The following RIPOR3 variants were observed in gnomAD, a reference collection of about 807,000 sequenced individuals.
The protein encoded by RIPOR3 is RIPOR family member 3.
RIPOR3 carries 95 observed loss-of-function variants against 114.3 expected under a neutral mutation model. The ratio of observed to expected loss-of-function variants is 0.83; its 90% CI spans 0.70 to 0.99. RIPOR3 has a LOEUF of 0.99. Among genes scored for constraint, RIPOR3 ranks in the 50% least tolerant of loss-of-function variants. The pLI, the probability that RIPOR3 is intolerant of heterozygous loss-of-function variation, is 0.00. For missense variants in RIPOR3, 1,252 were observed against 1,266.9 expected (o/e 0.99, Z 0.18); for synonymous variants, 575 against 543.8 (o/e 1.06, Z -0.80).
At chr20:50,590,246 T>TGGCCAC (rs1214947527) in intron 19 of RIPOR3, among the ~76,000 whole-genome samples, 6 of 152,218 alleles carry the variant, frequency 3.9e-5, no homozygotes, top group Non-Finnish European at 2.9e-5. Context: ...CTCACGACCA[T>TGGCCAC]GGCCACATCA....
At chr20:50,592,694 TCA>T in intron 18 of RIPOR3, 148 bp from the exon 19 acceptor site, 1 of 726,384 alleles carries the variant, frequency 1.4e-6, no homozygotes, top group Non-Finnish European at 2.1e-6. Flanking sequence ...TGGACTAATT[TCA>T]CAGGGAGCTC....
At chr20:50,621,371 C>T (rs1017992794) in intron 2 of RIPOR3, among the ~76,000 whole-genome samples, 1 of 152,200 alleles carries the variant, frequency 6.6e-6, no homozygotes, top group Non-Finnish European at 1.5e-5. Context: ...GGCACCTCCC[C>T]AGCTCTGCTT....
At chr20:50,635,114 G>C (rs1459558531) in intron 1 of RIPOR3, among the ~76,000 whole-genome samples, 2 of 152,178 alleles carry the variant, frequency 1.3e-5, no homozygotes, top group African/African-American at 4.8e-5. Context: ...CAACTACTCA[G>C]TTCTAGCATT....
At chr20:50,616,796 C>T (rs1009206948) in intron 3 of RIPOR3, among the ~76,000 whole-genome samples, 2 of 152,218 alleles carry the variant, frequency 1.3e-5, no homozygotes, top group African/African-American at 4.8e-5. Context: ...TATACCCCCT[C>T]CCAAGCTGGG....
intron 1 of RIPOR3, among the ~76,000 whole-genome samples, chr20:50,661,634 G>T (rs759747198): frequency 6.6e-6 from 1 of 152,134 alleles, no homozygotes; most frequent in Non-Finnish European, 1.5e-5. Flanking sequence ...GCAGGAACAC[G>T]CTGTCCCCAC....
chr20:50,655,805 G>T (rs988381086), intron 1 of RIPOR3, among the ~76,000 whole-genome samples: 1 of 151,958 alleles, frequency 6.6e-6, no homozygotes, highest in Non-Finnish European at 1.5e-5. Flanking sequence ...AACTGAGTTC[G>T]TGGCATGAGG....
intron 8 of RIPOR3, 45 bp downstream of exon 8, chr20:50,609,248 G>A: frequency 6.2e-7 from 1 of 1,601,062 alleles, no homozygotes; most frequent in East Asian, 2.2e-5. Flanking sequence ...AGAAGTCTCA[G>A]GGCCTCCAGA....
intron 1 of RIPOR3, among the ~76,000 whole-genome samples, chr20:50,633,860 C>G (rs1176328474): frequency 6.6e-6 from 1 of 152,148 alleles, no homozygotes; most frequent in Non-Finnish European, 1.5e-5. Context: ...TCACTCATAG[C>G]ACTGTGAGGT....
At chr20:50,617,091 G>C (rs963018538) in intron 3 of RIPOR3, among the ~76,000 whole-genome samples, 1 of 152,096 alleles carries the variant, frequency 6.6e-6, no homozygotes, top group Admixed American at 6.6e-5. Context: ...GCAGTGAGCC[G>C]AGATTGCACC....
intron 1 of RIPOR3, among the ~76,000 whole-genome samples, chr20:50,663,920 T>G (rs972971020): frequency 7.8e-6 from 1 of 127,950 alleles, no homozygotes; most frequent in Non-Finnish European, 1.6e-5. Flanking sequence ...TTTCTCTCTC[T>G]CTCTCTTTTT....
intron 1 of RIPOR3, among the ~76,000 whole-genome samples, chr20:50,650,475 TG>T (rs959364817): frequency 2.0e-5 from 3 of 152,118 alleles, no homozygotes; most frequent in African/African-American, 7.2e-5. Flanking sequence ...GCTAACTTTT[TG>T]TACTTTTAGT....
Position 50,594,656 on chromosome 20 carries a change from C to T in RIPOR3, c.2109G>A (p.Gly703=). The change falls in exon 17 of 22, where the codon GGG becomes GGA. Residue 703 remains glycine, a synonymous_variant. Transcript: ENST00000327979. The part of the protein sequence containing the change: ...GCLKLWRGCT[G]PGRVLSCPAT... ...CAGGGCAGGACAGGACCCTGCCAGG[C>T]CCTGTGCACCCTCTCCACAGCTTCA... 1 of 1,613,730 alleles carries T rather than the reference C, an allele frequency of 6.2e-7. No individual in the cohort carries two copies. Among genetic ancestry groups the T allele is most frequent in the Non-Finnish European group, 8.5e-7 (1 of 1,179,912 alleles).
rs532534470 is a variant in RIPOR3, at chr20:50,600,665, G to T, written c.1659+1407C>A. 7.2e-5 allele frequency among the ~76,000 whole-genome samples: 11 copies of T among 152,248 alleles called. No individual in the cohort carries two copies. The East Asian group carries it at 2.1e-3, about 29-fold the overall frequency. ...GCCTCAACTAGTCAGGAGGCTGAGG[G>T]GGGAGGATCGTGTGATCCCAGGAGG... On this transcript the variant is annotated intron_variant, in intron 13 of 21. Coordinates refer to ENST00000327979, the MANE Select transcript of RIPOR3 (RefSeq NM_001290268.2).
intron 3 of RIPOR3, among the ~76,000 whole-genome samples, chr20:50,616,416 C>T (rs1197368199): frequency 6.6e-6 from 1 of 152,214 alleles, no homozygotes; most frequent in East Asian, 1.9e-4. Flanking sequence ...GATCACAGCT[C>T]ACTGCAACCT....
rs778793897 is a variant in RIPOR3 at position 50,630,737 on chromosome 20, C to A, written c.122+1G>T. Reference sequence around the variant, plus strand: ...CGAAACAGGACACGGGGGGAACTTACGCGATCCTCCGGCTCTGTGCACTGC... The same window carrying A: ...CGAAACAGGACACGGGGGGAACTTAAGCGATCCTCCGGCTCTGTGCACTGC... On this transcript the variant is annotated splice_donor_variant, in intron 2 of 21. Coordinates refer to ENST00000327979, the MANE Select transcript of RIPOR3 (RefSeq NM_001290268.2). LOFTEE classifies it high-confidence loss of function. 1.2e-6 allele frequency: 2 copies of A among 1,603,950 alleles called. No homozygotes were observed. Among genetic ancestry groups the A allele is most frequent in the South Asian group, 1.1e-5 (1 of 89,630 alleles).
chr20:50,586,138 T>C lies in RIPOR3; in HGVS notation c.*1094A>G, dbSNP rs1199233542. On this transcript the variant is annotated 3_prime_UTR_variant, in exon 22 of 22. Transcript: ENST00000327979. The stretch of plus-strand genomic sequence containing the variant: ...GGTAAAAAGTGAAACACCAATAGTT[T>C]AATTGAAATTTCAGAAAATTGAACA... 1 of 156,880 alleles carries C rather than the reference T, an allele frequency of 6.4e-6. No individual in the cohort carries two copies. The highest frequency in any genetic ancestry group is 1.9e-4 in the East Asian group (1 of 5,356). 9.7% of individuals were successfully genotyped at this position (156,880 alleles called of 1,614,324 possible). A position where few individuals can be genotyped will look rare whatever the true frequency, so the allele number is the denominator to read the frequency against.
At chr20:50,665,641 C>T (rs1344910442) in intron 1 of RIPOR3, among the ~76,000 whole-genome samples, 3 of 151,902 alleles carry the variant, frequency 2.0e-5, no homozygotes, top group Admixed American at 1.3e-4. Flanking sequence ...AGGCTGGTCT[C>T]GAACTCCTGA....
At chr20:50,636,263 A>T (rs1375614459) in intron 1 of RIPOR3, among the ~76,000 whole-genome samples, 1 of 152,236 alleles carries the variant, frequency 6.6e-6, no homozygotes, top group African/African-American at 2.4e-5. Context: ...GTCACCTGCG[A>T]CCAAGGGTGA....
chr20:50,635,339 T>C lies in RIPOR3; in HGVS notation c.4-4483A>G, dbSNP rs577219467. Among the ~76,000 whole-genome samples the C allele has an allele frequency of 2.2e-4, 33 of 152,198 alleles. 1 individual carries two copies. The South Asian group carries it at 5.8e-3, about 27-fold the overall frequency. On this transcript the variant is annotated intron_variant, in intron 1 of 21. Transcript: ENST00000327979. ...CCATATGAGACAAGTACTATTACTATCCCCATTTTGCAGATAAGGAAACCG... is the reference window on the plus strand; with the variant it reads ...CCATATGAGACAAGTACTATTACTACCCCCATTTTGCAGATAAGGAAACCG...
Sources: allele counts gnomAD v4.1 joint callset (sites outside exome capture counted in the v4.1 genomes callset), GRCh38; gene constraint gnomAD v4.1.1; transcripts MANE v1.5; gene names NCBI Gene and HGNC (gene_info 2026-07-23, HGNC 2026-07-21).